POLR2B: variants seen among roughly 807,000 people sequenced by gnomAD.
POLR2B encodes RNA polymerase II subunit B.
POLR2B carries 57 observed loss-of-function variants against 144.6 expected under a neutral mutation model. The ratio of observed to expected loss-of-function variants is 0.39; its 90% CI spans 0.32 to 0.49. The LOEUF is 0.49. POLR2B is among the 20% of genes least tolerant of loss of function. The pLI, the probability that POLR2B is intolerant of heterozygous loss-of-function variation, is 0.83. For synonymous variants in POLR2B, 442 were observed against 469.8 expected (o/e 0.94, Z 0.77); for missense variants, 595 against 1,467.4 (o/e 0.41, Z 9.71).
At chr4:57,022,075 A>G in intron 17 of POLR2B, 77 bp from the exon 18 acceptor site, 2 of 772,398 alleles carry the variant, frequency 2.6e-6, no homozygotes, top group Non-Finnish European at 4.3e-6. Flanking sequence ...TTTCAAGTAA[A>G]TGAGAAATTG....
At chr4:56,991,750 GTTTC>G (rs1276350888) in intron 3 of POLR2B, among the ~76,000 whole-genome samples, 1 of 152,126 alleles carries the variant, frequency 6.6e-6, no homozygotes, top group African/African-American at 2.4e-5. Flanking sequence ...GGGACATTAA[GTTTC>G]TTTTTTATTC....
intron 2 of POLR2B, among the ~76,000 whole-genome samples, chr4:56,990,417 G>C (rs1469175788): frequency 6.6e-6 from 1 of 152,072 alleles, no homozygotes; most frequent in African/African-American, 2.4e-5. Context: ...GTTGAAATGA[G>C]GTCTCATTGC....
At chr4:57,002,952 G>A (rs1189769758) in intron 7 of POLR2B, among the ~76,000 whole-genome samples, 1 of 152,180 alleles carries the variant, frequency 6.6e-6, no homozygotes, top group Non-Finnish European at 1.5e-5. Context: ...GTTGTCAAAT[G>A]TTACCCTTCA....
intron 6 of POLR2B, among the ~76,000 whole-genome samples, chr4:56,997,746 G>A (rs1370130897): frequency 6.6e-6 from 1 of 152,160 alleles, no homozygotes; most frequent in Admixed American, 6.5e-5. Flanking sequence ...AGATGATCAG[G>A]GTGGATCTGG....
At chr4:57,004,357 T>C (rs1368588957) in intron 7 of POLR2B, among the ~76,000 whole-genome samples, 1 of 149,350 alleles carries the variant, frequency 6.7e-6, no homozygotes, top group African/African-American at 2.4e-5. Flanking sequence ...CAAATCTTTT[T>C]TTTTTTTTTT....
At chr4:57,014,737 C>G (rs1459892554) in intron 13 of POLR2B, among the ~76,000 whole-genome samples, 2 of 140,928 alleles carry the variant, frequency 1.4e-5, no homozygotes. Context: ...ATCTCCTGAC[C>G]TCGTGATCCA....
intron 2 of POLR2B, among the ~76,000 whole-genome samples, chr4:56,988,620 A>G (rs1578558114): frequency 6.6e-6 from 1 of 152,180 alleles, no homozygotes; most frequent in Non-Finnish European, 1.5e-5. Context: ...TCCCTGCCAT[A>G]ATATCTTTTG....
intron 7 of POLR2B, among the ~76,000 whole-genome samples, chr4:57,004,843 G>A (rs1414356433): frequency 6.6e-6 from 1 of 152,026 alleles, no homozygotes; most frequent in African/African-American, 2.4e-5. Context: ...TGCCACTGCG[G>A]CAGCTGATTT....
intron 24 of POLR2B, 150 bp from the exon 25 acceptor site, chr4:57,030,749 C>A: frequency 1.7e-6 from 1 of 589,654 alleles, no homozygotes; most frequent in Non-Finnish European, 3.0e-6. Flanking sequence ...GGAGAAAGAA[C>A]CACCATAAGC....
At chr4:56,995,222 T>C (rs755880593) in intron 5 of POLR2B, 29 bp from the exon 6 acceptor site, 7 of 1,557,590 alleles carry the variant, frequency 4.5e-6, no homozygotes, top group Non-Finnish European at 6.1e-6. Context: ...TTGGATTTTA[T>C]GGCTGTAACT....
chr4:56,998,753 C>G (rs1215030402), intron 6 of POLR2B, among the ~76,000 whole-genome samples: 1 of 152,132 alleles, frequency 6.6e-6, no homozygotes, highest in Non-Finnish European at 1.5e-5. Context: ...GTGGAAACAA[C>G]CAATTGGCAT....
chr4:56,986,402 A>T lies in POLR2B; in HGVS notation c.68A>T (p.Gln23Leu). ...GATGAAATCACCCCGGATTTGTGGC[A>T]AGAAGCATGCTGGATTGTAATCAGG... ...DDDEITPDLWQEACWIVISSY... is the reference protein window; with the variant it reads ...DDDEITPDLWLEACWIVISSY... Residue 23 changes from glutamine to leucine, a missense_variant, in exon 2 of 25, where the codon CAA becomes CTA. Gln to Leu is a moderately radical substitution (Grantham distance 113). Transcript: ENST00000314595. The T allele has an allele frequency of 6.2e-7, 1 of 1,612,584 alleles. No homozygotes were observed. The highest frequency in any genetic ancestry group is 8.5e-7 in the Non-Finnish European group (1 of 1,178,668).
At chr4:57,005,789 G>A in intron 9 of POLR2B, 70 bp downstream of exon 9, 1 of 1,428,364 alleles carries the variant, frequency 7.0e-7, no homozygotes, top group African/African-American at 1.4e-5. Context: ...CATTGCATAT[G>A]GCCAGGCTAA....
At chr4:56,986,252 C>T in intron 1 of POLR2B, 102 bp from the exon 2 acceptor site, 1 of 785,794 alleles carries the variant, frequency 1.3e-6, no homozygotes, top group Non-Finnish European at 2.3e-6. Context: ...ATTACTTATT[C>T]AGCAGAAAGT....
At chr4:57,020,327 C>T (rs1713984) in intron 16 of POLR2B, among the ~76,000 whole-genome samples, 29,083 of 152,166 alleles carry the variant, frequency 0.19, 3,348 homozygotes, top group Non-Finnish European at 0.26. Flanking sequence ...CCACCATGCC[C>T]GACCTAAATA....
chr4:56,987,686 G>C (rs1578557179), intron 2 of POLR2B, among the ~76,000 whole-genome samples: 1 of 152,132 alleles, frequency 6.6e-6, no homozygotes, highest in Non-Finnish European at 1.5e-5. Context: ...TTGGAGACCA[G>C]CCTGGCCAAC....
In POLR2B at chr4:57,023,142, C is replaced by CTTTTTTTTTTTTTTTT; in HGVS notation, c.2516-178_2516-177insTTTTTTTTTTTTTTTT. ...TTCCAATGTTCTTTTCCTTCATAGACTTTTTTTTTTGTTTTCTGTGTGGGC... is the reference window on the plus strand; with the variant it reads ...TTCCAATGTTCTTTTCCTTCATAGACTTTTTTTTTTTTTTTTTTTTTTTTTTGTTTTCTGTGTGGGC... On this transcript the variant is annotated intron_variant, in intron 18 of 24. Coordinates refer to ENST00000314595, the MANE Select transcript of POLR2B (RefSeq NM_000938.3). This position sits in a 1 kb window ranked among gnomAD's most constrained non-coding sequence, Gnocchi z 4.3. 4.4e-6 allele frequency: 2 copies of CTTTTTTTTTTTTTTTT among 452,698 alleles called. No individual in the cohort carries two copies. Among genetic ancestry groups the CTTTTTTTTTTTTTTTT allele is most frequent in the Non-Finnish European group, 3.9e-6 (1 of 256,410 alleles). 28.0% of individuals were successfully genotyped at this position (452,698 alleles called of 1,614,324 possible). A position where few individuals can be genotyped will look rare whatever the true frequency, so the allele number is the denominator to read the frequency against.
Position 56,991,267 on chromosome 4 carries a change from C to T in POLR2B, c.243+369C>T, listed in dbSNP as rs78057458. The stretch of plus-strand genomic sequence containing the variant: ...AATTTTCATCTGATTTTATATATTG[C>T]ATGAAGTACATTATTATAACCATAT... On this transcript the variant is annotated intron_variant, in intron 3 of 24. Coordinates refer to ENST00000314595, the MANE Select transcript of POLR2B (RefSeq NM_000938.3). Among the ~76,000 whole-genome samples the T allele has an allele frequency of 1.2e-3, 182 of 152,216 alleles. 4 individuals are homozygous for T. In the East Asian group the frequency reaches 0.031, roughly 26 times the overall value.
chr4:57,026,743 A>G (rs1723732107), intron 23 of POLR2B, among the ~76,000 whole-genome samples: 1 of 134,086 alleles, frequency 7.5e-6, no homozygotes, highest in Non-Finnish European at 1.7e-5. Context: ...CCTGGGCGAC[A>G]GAGTGAGACT....
Sources: gnomAD v4.1 joint callset for allele counts (sites outside exome capture counted in the v4.1 genomes callset) on GRCh38, gnomAD v4.1.1 for gene constraint, Gnocchi (gnomAD v3.1) non-coding constraint, MANE v1.5 for transcripts, NCBI Gene and HGNC (gene_info 2026-07-23, HGNC 2026-07-21) for gene names.